Variants in CCDC158 observed in about 807,000 individuals in gnomAD.
The protein encoded by CCDC158 is coiled-coil domain-containing protein 158.
In CCDC158, 116 loss-of-function variants were observed where a neutral mutation model predicts 138.6. That is an observed-to-expected ratio of 0.84 (90% CI 0.72 to 0.98). The LOEUF is 0.98. Among genes scored for constraint, CCDC158 ranks in the 50% least tolerant of loss-of-function variants. CCDC158 has a pLI of 0.00. For synonymous variants in CCDC158, 436 were observed against 442.4 expected, an observed-to-expected ratio of 0.99 and a Z score of 0.18; for missense variants, 1,265 against 1,306.1, an observed-to-expected ratio of 0.97 and a Z score of 0.48.
intron 18 of CCDC158, among the ~76,000 whole-genome samples, chr4:76,340,890 C>T (rs1721984205): frequency 6.6e-6 from 1 of 152,136 alleles, no homozygotes. Context: ...GTCACTGGTG[C>T]CAAAAAGGTT....
chr4:76,355,308 G>A lies in CCDC158; in HGVS notation c.2286+16C>T. On this transcript the variant is annotated intron_variant, in intron 15 of 24. Transcript: ENST00000682701. ...GTGAACATGTTGGTTTCCCCACTCT[G>A]AGGACAGCAACCCACCTTATTTGCA... is the stretch of plus-strand genomic sequence containing the variant. The A allele has an allele frequency of 6.5e-7, 1 of 1,547,766 alleles. No individual in the cohort carries two copies. The highest frequency in any genetic ancestry group is 8.9e-7 in the Non-Finnish European group (1 of 1,119,704).
intron 22 of CCDC158, among the ~76,000 whole-genome samples, chr4:76,327,427 T>C (rs1015180161): frequency 5.3e-5 from 8 of 152,194 alleles, no homozygotes; most frequent in Non-Finnish European, 1.0e-4. Flanking sequence ...TAGAGTATAC[T>C]TTCACAAACC....
intron 24 of CCDC158, among the ~76,000 whole-genome samples, chr4:76,316,900 C>CA (rs77150446): frequency 0.48 from 30,021 of 62,778 alleles, 7,564 homozygotes; most frequent in South Asian, 0.58. Context: ...CTTTTGCAGA[C>CA]AAAAAAAAAA....
At chr4:76,414,081 G>GT (rs1322666284) in intron 1 of CCDC158, among the ~76,000 whole-genome samples, 1 of 152,002 alleles carries the variant, frequency 6.6e-6, no homozygotes, top group African/African-American at 2.4e-5. Context: ...GCTAATTTTT[G>GT]TATTTTTAGT....
chr4:76,396,976 T>C (rs1408812565), intron 3 of CCDC158, among the ~76,000 whole-genome samples: 1 of 152,224 alleles, frequency 6.6e-6, no homozygotes, highest in East Asian at 1.9e-4. Flanking sequence ...GCTGATGCTG[T>C]AGCAGGATGA....
intron 20 of CCDC158, 108 bp downstream of exon 20, chr4:76,332,324 C>T: frequency 3.7e-6 from 3 of 813,216 alleles, no homozygotes; most frequent in East Asian, 5.5e-5. Flanking sequence ...CCCAATATGC[C>T]CATTAAGTGT....
intron 21 of CCDC158, 49 bp downstream of exon 21, chr4:76,331,295 G>A: frequency 6.8e-7 from 1 of 1,474,906 alleles, no homozygotes; most frequent in Non-Finnish European, 9.5e-7. Context: ...AATTAATAAT[G>A]AACAGTCGTA....
At chr4:76,370,841 C>A (rs930086669) in intron 10 of CCDC158, among the ~76,000 whole-genome samples, 6 of 152,186 alleles carry the variant, frequency 3.9e-5, no homozygotes, top group Non-Finnish European at 8.8e-5. Context: ...CCTTGTCAGC[C>A]TGCAAAGGAT....
intron 18 of CCDC158, among the ~76,000 whole-genome samples, chr4:76,336,686 C>T (rs1265760955): frequency 6.6e-6 from 1 of 152,130 alleles, no homozygotes; most frequent in Non-Finnish European, 1.5e-5. Context: ...CATAACATAA[C>T]CTTGTAAAAA....
chr4:76,403,006 A>G lies in CCDC158; in HGVS notation c.70+132T>C, dbSNP rs1728535272. On this transcript the variant is annotated intron_variant, in intron 3 of 24. Coordinates refer to ENST00000682701, the MANE Select transcript of CCDC158 (RefSeq NM_001394954.1). ...TCTTCAAAAAGTAGAATTATAAACA[A>G]TATGGTAGACATTCATGATCATGGT... 13 of 648,438 alleles carry G rather than the reference A, an allele frequency of 2.0e-5. No individual in the cohort carries two copies. In the South Asian group the frequency reaches 2.2e-4, roughly 11 times the overall value. 40.2% of individuals were successfully genotyped at this position (648,438 alleles called of 1,614,324 possible).
chr4:76,338,437 G>A (rs1389259011), intron 18 of CCDC158, among the ~76,000 whole-genome samples: 1 of 152,106 alleles, frequency 6.6e-6, no homozygotes, highest in East Asian at 1.9e-4. Context: ...GCTTGAACCT[G>A]GGAGGCAGAG....
intron 3 of CCDC158, among the ~76,000 whole-genome samples, chr4:76,397,883 T>C (rs1379388940): frequency 1.3e-5 from 2 of 152,214 alleles, no homozygotes; most frequent in Non-Finnish European, 2.9e-5. Context: ...AACAAGGGCT[T>C]CCTAGCAAGA....
chr4:76,354,577 AT>A (rs1723359697), intron 15 of CCDC158, among the ~76,000 whole-genome samples: 1 of 152,198 alleles, frequency 6.6e-6, no homozygotes, highest in Non-Finnish European at 1.5e-5. Context: ...GGCAAACTTC[AT>A]GGTTGCTTAT....
chr4:76,379,520 C>A (rs1726029162), intron 8 of CCDC158, 116 bp from the exon 9 acceptor site: 3 of 491,552 alleles, frequency 6.1e-6, no homozygotes, highest in Admixed American at 4.0e-5. Context: ...CATTATTAAG[C>A]CAATAGTCTT....
At chr4:76,337,945 A>G (rs962584447) in intron 18 of CCDC158, among the ~76,000 whole-genome samples, 2 of 152,076 alleles carry the variant, frequency 1.3e-5, no homozygotes, top group South Asian at 2.1e-4. Context: ...TCTGTGAGGA[A>G]TGGGGCCACA....
intron 12 of CCDC158, among the ~76,000 whole-genome samples, chr4:76,363,277 C>T (rs2110219250): frequency 6.6e-6 from 1 of 152,262 alleles, no homozygotes; most frequent in African/African-American, 2.4e-5. Flanking sequence ...CGGTGTCTTG[C>T]TGGGGCAGGG....
intron 9 of CCDC158, among the ~76,000 whole-genome samples, chr4:76,376,366 G>A (rs1264237976): frequency 1.3e-5 from 2 of 152,062 alleles, no homozygotes; most frequent in African/African-American, 4.8e-5. Flanking sequence ...ACCTGGCCAT[G>A]AATCTCACTT....
intron 1 of CCDC158, among the ~76,000 whole-genome samples, chr4:76,419,337 C>G (rs1043263261): frequency 5.3e-5 from 1 of 18,890 alleles, no homozygotes; most frequent in Non-Finnish European, 9.8e-5. Flanking sequence ...GTAAACTATT[C>G]ATCAGTACAG....
At chr4:76,359,210 T>C (rs1256551331) in intron 13 of CCDC158, among the ~76,000 whole-genome samples, 5 of 152,320 alleles carry the variant, frequency 3.3e-5, no homozygotes, top group African/African-American at 1.2e-4. Flanking sequence ...CTGTGCAGCC[T>C]GCAGAACTGT....
Sources: gnomAD v4.1 joint callset for allele counts (sites outside exome capture counted in the v4.1 genomes callset) on GRCh38, gnomAD v4.1.1 for gene constraint, MANE v1.5 for transcripts, NCBI Gene and HGNC (gene_info 2026-07-23, HGNC 2026-07-21) for gene names.